TNRC6A: variants seen among roughly 807,000 people sequenced by gnomAD.
TNRC6A encodes the protein trinucleotide repeat containing adaptor 6A, also known as trinucleotide repeat-containing gene 6A protein.
A neutral mutation model predicts 221.2 loss-of-function variants in TNRC6A; 44 were observed. The ratio of observed to expected loss-of-function variants is 0.20; its 90% CI spans 0.16 to 0.26. The LOEUF (loss-of-function observed/expected upper bound fraction) is 0.26, where lower values mean the gene tolerates loss of function less well. Ranked by LOEUF, TNRC6A falls within the 10% of genes least tolerant of loss-of-function variation. The pLI is 1.00. For synonymous variants in TNRC6A, 847 were observed against 838.5 expected (o/e 1.01, Z -0.18); for missense variants, 2,199 against 2,404.4 (o/e 0.91, Z 1.79).
chr16:24,759,841 T>C (rs1170093027), intron 4 of TNRC6A, among the ~76,000 whole-genome samples: 1 of 152,122 alleles, frequency 6.6e-6, no homozygotes, highest in East Asian at 1.9e-4. Flanking sequence ...TGAAGGCGCA[T>C]TTGTGGCTTT....
chr16:24,675,702 C>CTCTCTCTCTCTCTCTCTA (rs1180245687), intron 2 of TNRC6A, among the ~76,000 whole-genome samples: 1 of 33,268 alleles, frequency 3.0e-5, no homozygotes, highest in Non-Finnish European at 5.2e-5. Flanking sequence ...CTCTCTCTCT[C>CTCTCTCTCTCTCTCTCTA]TATATATATA....
intron 2 of TNRC6A, among the ~76,000 whole-genome samples, chr16:24,687,764 A>G (rs2055655219): frequency 6.6e-6 from 1 of 151,216 alleles, no homozygotes; most frequent in Non-Finnish European, 1.5e-5. Flanking sequence ...ATGTTACTAC[A>G]CTCCCGTCTG....
At chr16:24,773,001 T>A (rs1433871484) in intron 4 of TNRC6A, among the ~76,000 whole-genome samples, 1 of 152,196 alleles carries the variant, frequency 6.6e-6, no homozygotes, top group East Asian at 1.9e-4. Context: ...TTGCCGAAGG[T>A]TATTTTTTTC....
In TNRC6A at chr16:24,806,790, T is replaced by C; in HGVS notation, c.4540+6T>C. On this transcript the variant is annotated splice_donor_region_variant and intron_variant, in intron 17 of 24. Transcript: ENST00000395799. ...TTTCAGCAACTTCCCTATAGGTGGG[T>C]TTCTCCTTGGCCCAAGTATTGGACT... is the stretch of plus-strand genomic sequence containing the variant. 1 of 1,613,992 alleles carries C rather than the reference T, an allele frequency of 6.2e-7. No individual in the cohort carries two copies. Among genetic ancestry groups the C allele is most frequent in the Non-Finnish European group, 8.5e-7 (1 of 1,179,966 alleles).
Position 24,730,304 on chromosome 16 carries a change from A to G in TNRC6A, c.53+4A>G, listed in dbSNP as rs754957709. ...ACGTAGAAAGAAATCTTAGCAGGTA[A>G]GATGGGCGAGCTTTCCGTCTCCCGC... On this transcript the variant is annotated splice_donor_region_variant and intron_variant, in intron 2 of 24. Coordinates refer to ENST00000395799, the MANE Select transcript of TNRC6A (RefSeq NM_014494.4). The G allele has an allele frequency of 1.2e-6, 2 of 1,604,404 alleles. No homozygotes were observed. Among genetic ancestry groups the G allele is most frequent in the Non-Finnish European group, 1.7e-6 (2 of 1,176,334 alleles).
intron 2 of TNRC6A, among the ~76,000 whole-genome samples, chr16:24,698,226 A>G (rs2055901810): frequency 1.3e-5 from 2 of 152,144 alleles, no homozygotes; most frequent in African/African-American, 4.8e-5. Context: ...ATTCCAAATC[A>G]GAATCTACAG....
At chr16:24,714,901 G>A (rs2056284004) in intron 2 of TNRC6A, among the ~76,000 whole-genome samples, 1 of 149,518 alleles carries the variant, frequency 6.7e-6, no homozygotes, top group Non-Finnish European at 1.5e-5. Context: ...TTCTGGGATG[G>A]AGTCTTGCTC....
At chr16:24,749,075 C>T (rs2151387269) in intron 2 of TNRC6A, among the ~76,000 whole-genome samples, 1 of 152,156 alleles carries the variant, frequency 6.6e-6, no homozygotes, top group East Asian at 1.9e-4. Context: ...AAAGCTTCCT[C>T]AGGGCAGAGT....
At chr16:24,733,119 A>G (rs1442088686) in intron 2 of TNRC6A, among the ~76,000 whole-genome samples, 1 of 152,130 alleles carries the variant, frequency 6.6e-6, no homozygotes, top group Non-Finnish European at 1.5e-5. Flanking sequence ...CGGGAGGCTG[A>G]GTCAGGAGAA....
At chr16:24,761,022 C>T (rs1174996219) in intron 4 of TNRC6A, among the ~76,000 whole-genome samples, 1 of 152,082 alleles carries the variant, frequency 6.6e-6, no homozygotes, top group East Asian at 1.9e-4. Flanking sequence ...AAATGACTGC[C>T]AACATTTAAA....
intron 11 of TNRC6A, among the ~76,000 whole-genome samples, chr16:24,801,765 G>A (rs980478581): frequency 1.4e-4 from 22 of 152,152 alleles, no homozygotes; most frequent in African/African-American, 4.6e-4. Context: ...GTTAGCCACC[G>A]TGCTCAGCTG....
intron 1 of TNRC6A, among the ~76,000 whole-genome samples, chr16:24,625,749 A>C (rs1409323656): frequency 6.7e-6 from 1 of 149,112 alleles, no homozygotes; most frequent in African/African-American, 2.5e-5. Context: ...AAAAAAAAAA[A>C]AAAAAAAAAA....
rs2056421137 is a variant in TNRC6A at position 24,722,193 on chromosome 16, T to C, written n.403-28533T>C. Among the ~76,000 whole-genome samples, 4 of 152,178 alleles carry C rather than the reference T, an allele frequency of 2.6e-5. No homozygotes were observed. The South Asian group carries it at 8.3e-4, about 32-fold the overall frequency. On this transcript the variant is annotated intron_variant and non_coding_transcript_variant, in intron 2 of 2. Transcript: ENST00000566108. ...TGGGAGGCCAAGGTGGGAGGATCAC[T>C]AGAGGCCAGGCATTGAAGACCAGCC...
intron 2 of TNRC6A, among the ~76,000 whole-genome samples, chr16:24,735,281 A>G (rs919719655): frequency 6.6e-6 from 1 of 152,198 alleles, no homozygotes; most frequent in African/African-American, 2.4e-5. Flanking sequence ...TCTGTTTCGA[A>G]AGAAAGAAAA....
At chr16:24,649,336 T>C (rs1055197622) in intron 2 of TNRC6A, among the ~76,000 whole-genome samples, 3 of 152,078 alleles carry the variant, frequency 2.0e-5, no homozygotes, top group African/African-American at 7.2e-5. Context: ...TGAGACAGGG[T>C]CTCACTCTGT....
intron 4 of TNRC6A, among the ~76,000 whole-genome samples, chr16:24,764,763 CT>C (rs2057436641): frequency 2.0e-5 from 3 of 152,134 alleles, no homozygotes; most frequent in Non-Finnish European, 2.9e-5. Context: ...AGTAATCCCC[CT>C]GTATCCACAG....
At chr16:24,627,032 G>C (rs1055646003) in intron 1 of TNRC6A, among the ~76,000 whole-genome samples, 6 of 150,986 alleles carry the variant, frequency 4.0e-5, no homozygotes, top group African/African-American at 1.5e-4. Flanking sequence ...CATCAGTCCA[G>C]ATGAGAATTC....
chr16:24,627,421 G>T (rs1163257207), intron 1 of TNRC6A, among the ~76,000 whole-genome samples: 1 of 152,062 alleles, frequency 6.6e-6, no homozygotes, highest in Non-Finnish European at 1.5e-5. Context: ...GAGCTACCAG[G>T]CAGAAGGGCG....
intron 18 of TNRC6A, among the ~76,000 whole-genome samples, chr16:24,813,051 A>G (rs1368897324): frequency 6.6e-6 from 1 of 151,304 alleles, no homozygotes; most frequent in African/African-American, 2.4e-5. Flanking sequence ...AGTTTTTTGT[A>G]TTTTTATTAG....
Sources: allele counts gnomAD v4.1 joint callset (sites outside exome capture counted in the v4.1 genomes callset), GRCh38; gene constraint gnomAD v4.1.1; transcripts MANE v1.5; gene names NCBI Gene and HGNC (gene_info 2026-07-23, HGNC 2026-07-21).